Variants in STXBP5 observed in about 807,000 individuals in gnomAD.
The protein encoded by STXBP5 is syntaxin binding protein 5.
A neutral mutation model predicts 152.4 loss-of-function variants in STXBP5; 50 were observed. The observed-to-expected ratio is 0.33, with a 90% CI of 0.26 to 0.42. The LOEUF is 0.42. Among genes scored for constraint, STXBP5 ranks in the 10% least tolerant of loss-of-function variants. STXBP5 has a pLI of 1.00. For synonymous variants in STXBP5, 492 were observed against 494.7 expected (o/e 0.99, Z 0.07); for missense variants, 1,167 against 1,388.6 (o/e 0.84, Z 2.54).
chr6:147,250,097 A>G (rs983170045), intron 4 of STXBP5, among the ~76,000 whole-genome samples: 6 of 152,214 alleles, frequency 3.9e-5, no homozygotes, highest in African/African-American at 1.4e-4. Context: ...ACAAAATAAA[A>G]GGAAGCTGTA....
intron 25 of STXBP5, among the ~76,000 whole-genome samples, chr6:147,364,616 A>G (rs1785210863): frequency 6.6e-6 from 1 of 152,170 alleles, no homozygotes; most frequent in Non-Finnish European, 1.5e-5. Context: ...TTCCTCTAGT[A>G]TGTTGGTTGA....
chr6:147,352,125 T>C (rs901280594), intron 21 of STXBP5, among the ~76,000 whole-genome samples: 5 of 152,188 alleles, frequency 3.3e-5, no homozygotes, highest in African/African-American at 1.2e-4. Flanking sequence ...GTTTATACAT[T>C]CATTCTTTTT....
chr6:147,239,037 A>G (rs1325193304), intron 3 of STXBP5, 133 bp from the exon 4 acceptor site: 5 of 711,436 alleles, frequency 7.0e-6, no homozygotes, highest in African/African-American at 1.8e-5. Context: ...GAATGAGGCA[A>G]ATGTTTCTTA....
chr6:147,374,747 A>T (rs1446433653), intron 26 of STXBP5, among the ~76,000 whole-genome samples: 1 of 152,202 alleles, frequency 6.6e-6, no homozygotes, highest in African/African-American at 2.4e-5. Context: ...TACTTTGCTA[A>T]TGAGGCTGAG....
chr6:147,300,199 A>AATATTG (rs1781737799), intron 9 of STXBP5, among the ~76,000 whole-genome samples: 1 of 152,106 alleles, frequency 6.6e-6, no homozygotes, highest in Admixed American at 6.6e-5. Flanking sequence ...GATTGGAAGA[A>AATATTG]TTAATATTGT....
At chr6:147,290,514 A>C (rs1240600261) in intron 8 of STXBP5, among the ~76,000 whole-genome samples, 2 of 152,206 alleles carry the variant, frequency 1.3e-5, no homozygotes, top group Non-Finnish European at 2.9e-5. Flanking sequence ...TCTACAGTGA[A>C]CATGTAGAAA....
rs534623350 is a variant in STXBP5, at chr6:147,219,587, T to G, written c.248+13519T>G. ...TTAATGTATAGAAGCCTATTCAGAT[T>G]GTTTCTTCTTGTCTGAGTTTTGGTA... is the stretch of plus-strand genomic sequence containing the variant. On this transcript the variant is annotated intron_variant, in intron 2 of 27. Transcript: ENST00000321680. Among the ~76,000 whole-genome samples the G allele has an allele frequency of 2.0e-5, 3 of 152,256 alleles. 1 individual carries two copies. In the East Asian group the frequency reaches 5.8e-4, roughly 29 times the overall value.
At chr6:147,311,336 G>A in intron 10 of STXBP5, 119 bp from the exon 11 acceptor site, 1 of 819,062 alleles carries the variant, frequency 1.2e-6, no homozygotes, top group East Asian at 2.7e-5. Context: ...AGTATCATAG[G>A]ATCAGAATGT....
chr6:147,327,648 G>T (rs889194114), intron 18 of STXBP5, among the ~76,000 whole-genome samples: 1 of 152,010 alleles, frequency 6.6e-6, no homozygotes, highest in Non-Finnish European at 1.5e-5. Context: ...TTGTCATGTT[G>T]CCCAGGTTGG....
In STXBP5 at chr6:147,241,832, T is replaced by A. The variant is rs115379215; in HGVS notation, c.431+2562T>A. Among the ~76,000 whole-genome samples the A allele has an allele frequency of 7.2e-3, 1,101 of 152,336 alleles. 14 individuals carry two copies. Among genetic ancestry groups the A allele is most frequent in the African/African-American group, 0.025 (1,057 of 41,582 alleles). ...GTAATACTAGTATAAACTAACCTATTGTGCTACCAGTTGTCTAAAAGTATA... is the reference window on the plus strand; with the variant it reads ...GTAATACTAGTATAAACTAACCTATAGTGCTACCAGTTGTCTAAAAGTATA... On this transcript the variant is annotated intron_variant, in intron 4 of 27. Transcript: ENST00000321680.
chr6:147,336,309 GTCTTTC>G (rs1783824017), intron 19 of STXBP5, among the ~76,000 whole-genome samples: 1 of 152,088 alleles, frequency 6.6e-6, no homozygotes, highest in Non-Finnish European at 1.5e-5. Flanking sequence ...GCTTGTGTGT[GTCTTTC>G]TCAACTTGTC....
intron 9 of STXBP5, among the ~76,000 whole-genome samples, chr6:147,305,849 A>T (rs1206319183): frequency 3.3e-5 from 5 of 152,180 alleles, no homozygotes; most frequent in African/African-American, 7.2e-5. Context: ...TGCTTACCAA[A>T]CATATAGTTA....
intron 2 of STXBP5, among the ~76,000 whole-genome samples, chr6:147,217,315 A>G (rs746038848): frequency 9.2e-5 from 14 of 152,228 alleles, no homozygotes; most frequent in Admixed American, 1.3e-4. Context: ...CACTTAACAT[A>G]CTTGAGAAAA....
intron 23 of STXBP5, among the ~76,000 whole-genome samples, chr6:147,360,583 G>A (rs1460607724): frequency 3.3e-5 from 5 of 152,138 alleles, no homozygotes; most frequent in African/African-American, 1.2e-4. Context: ...GCAAAAGAAT[G>A]CTATAAATTT....
chr6:147,319,955 A>G (rs913033941), intron 16 of STXBP5, among the ~76,000 whole-genome samples: 30 of 147,994 alleles, frequency 2.0e-4, no homozygotes, highest in Admixed American at 4.1e-4. Flanking sequence ...AGTCCTCCCA[A>G]CTCAGCCTCC....
intron 21 of STXBP5, among the ~76,000 whole-genome samples, chr6:147,346,604 G>A (rs1247987972): frequency 6.6e-6 from 1 of 152,042 alleles, no homozygotes; most frequent in Admixed American, 6.5e-5. Context: ...GCCAGGCATG[G>A]TGGCGGGCGC....
intron 4 of STXBP5, among the ~76,000 whole-genome samples, chr6:147,257,621 A>G (rs1336346395): frequency 1.6e-4 from 25 of 152,164 alleles, no homozygotes; most frequent in Non-Finnish European, 5.9e-5. Flanking sequence ...TGAAGAGTTG[A>G]TTTTGATCCA....
At chr6:147,369,445 C>G (rs1371244264) in intron 25 of STXBP5, among the ~76,000 whole-genome samples, 1 of 151,916 alleles carries the variant, frequency 6.6e-6, no homozygotes, top group African/African-American at 2.4e-5. Flanking sequence ...AAAGCAACAT[C>G]CATAAAAGAA....
rs1431311377 is a variant in STXBP5 at position 147,213,492 on chromosome 6, A to G, written c.248+7424A>G. Among the ~76,000 whole-genome samples the G allele has an allele frequency of 3.0e-5, 4 of 131,608 alleles. No individual in the cohort carries two copies. The East Asian group carries it at 5.9e-4, about 19-fold the overall frequency. The allele number at this position is 131,608 out of a possible 152,430, so 86.3% of individuals were successfully genotyped here. A position where few individuals can be genotyped will look rare whatever the true frequency, so the allele number is the denominator to read the frequency against. On this transcript the variant is annotated intron_variant, in intron 2 of 27. Transcript: ENST00000321680. Reference sequence around the variant, plus strand: ...TGTGTGTGTGTGCGCGCGCATATATATATTTTTTCTTTTTCTTTTATTTTT... The same window carrying G: ...TGTGTGTGTGTGCGCGCGCATATATGTATTTTTTCTTTTTCTTTTATTTTT...
Sources: gnomAD v4.1 joint callset for allele counts (sites outside exome capture counted in the v4.1 genomes callset) on GRCh38, gnomAD v4.1.1 for gene constraint, MANE v1.5 for transcripts, NCBI Gene and HGNC (gene_info 2026-07-23, HGNC 2026-07-21) for gene names.